The following ATP8A1 variants were observed in gnomAD, a reference collection of about 807,000 sequenced individuals.
ATP8A1 encodes the protein ATPase phospholipid transporting 8A1.
In ATP8A1, 90 loss-of-function variants were observed where a neutral mutation model predicts 177.7. That is an observed-to-expected ratio of 0.51 (90% confidence interval 0.43 to 0.60). ATP8A1 has a LOEUF of 0.60. Among genes scored for constraint, ATP8A1 ranks in the 20% least tolerant of loss-of-function variants. The probability of loss-of-function intolerance (pLI) is 0.00; values close to 1 mark genes in which losing one functional copy is unlikely to be tolerated. For missense variants in ATP8A1, 1,072 were observed against 1,392.8 expected (o/e 0.77, Z 3.67); for synonymous variants, 493 against 485.9 (o/e 1.01, Z -0.19).
chr4:42,653,000 C>G lies in ATP8A1; in HGVS notation c.49+3825G>C, dbSNP rs547274816. ...AACTGAGTCCATTAAACCTCTTTGT[C>G]TTTATAAATTACCCAGTCTTGGGTA... is the stretch of plus-strand genomic sequence containing the variant. On this transcript the variant is annotated intron_variant, in intron 1 of 36. Transcript: ENST00000381668. Among the ~76,000 whole-genome samples the G allele has an allele frequency of 6.6e-5, 9 of 135,434 alleles. 3 individuals carry two copies. The highest frequency in any genetic ancestry group is 1.0e-4 in the Non-Finnish European group (6 of 58,258). The allele number at this position is 135,434 out of a possible 152,430, so 88.8% of individuals were successfully genotyped here. A position where few individuals can be genotyped will look rare whatever the true frequency, so the allele number is the denominator to read the frequency against.
intron 24 of ATP8A1, among the ~76,000 whole-genome samples, chr4:42,491,289 G>T (rs1485456290): frequency 6.6e-6 from 1 of 152,060 alleles, no homozygotes; most frequent in Non-Finnish European, 1.5e-5. Flanking sequence ...AAACATGCTT[G>T]GGAAATAAAA....
intron 11 of ATP8A1, among the ~76,000 whole-genome samples, 155 bp downstream of exon 11, chr4:42,579,658 G>A (rs1732816695): frequency 6.6e-6 from 1 of 151,896 alleles, no homozygotes; most frequent in Admixed American, 6.6e-5. Flanking sequence ...ACTTACACTT[G>A]CTAGAAATCT....
At chr4:42,442,449 C>T (rs906238668) in intron 33 of ATP8A1, among the ~76,000 whole-genome samples, 4 of 152,176 alleles carry the variant, frequency 2.6e-5, no homozygotes, top group African/African-American at 9.6e-5. Flanking sequence ...GAGACCCACT[C>T]ACGGCATTCT....
At chr4:42,566,012 C>G (rs182919344) in intron 15 of ATP8A1, among the ~76,000 whole-genome samples, 7 of 152,198 alleles carry the variant, frequency 4.6e-5, no homozygotes, top group African/African-American at 1.7e-4. Flanking sequence ...GGTTAATCTG[C>G]AGTAGGTAGC....
intron 6 of ATP8A1, among the ~76,000 whole-genome samples, chr4:42,591,188 G>C (rs1257335713): frequency 6.6e-6 from 1 of 151,734 alleles, no homozygotes; most frequent in Non-Finnish European, 1.5e-5. Flanking sequence ...ATATTTTATA[G>C]AGAACTACAT....
At chr4:42,504,789 G>A (rs929556304) in intron 23 of ATP8A1, among the ~76,000 whole-genome samples, 4 of 152,252 alleles carry the variant, frequency 2.6e-5, no homozygotes, top group Admixed American at 2.0e-4. Flanking sequence ...TGATGTCCCT[G>A]TTTACTTGCA....
chr4:42,428,700 C>T (rs1437771439), intron 33 of ATP8A1, among the ~76,000 whole-genome samples: 1 of 152,146 alleles, frequency 6.6e-6, no homozygotes, highest in East Asian at 1.9e-4. Flanking sequence ...GAATAGAATA[C>T]AAAATCTTTA....
At chr4:42,425,069 A>C (rs1198333825) in intron 33 of ATP8A1, among the ~76,000 whole-genome samples, 1 of 152,184 alleles carries the variant, frequency 6.6e-6, no homozygotes, top group Non-Finnish European at 1.5e-5. Context: ...AAGTCAGTAG[A>C]TTTTCTTTAG....
intron 33 of ATP8A1, among the ~76,000 whole-genome samples, chr4:42,429,306 T>C (rs1002097295): frequency 6.6e-6 from 1 of 151,922 alleles, no homozygotes; most frequent in Non-Finnish European, 1.5e-5. Flanking sequence ...TGTTAAACTA[T>C]CCCCAGCTCC....
intron 25 of ATP8A1, 79 bp from the exon 26 acceptor site, chr4:42,465,155 A>G: frequency 7.9e-7 from 1 of 1,272,152 alleles, no homozygotes; most frequent in East Asian, 2.4e-5. Flanking sequence ...AGGATAAAAG[A>G]TGCAAAAGAC....
intron 22 of ATP8A1, among the ~76,000 whole-genome samples, chr4:42,516,385 G>A (rs11933828): frequency 0.025 from 3,732 of 151,876 alleles, 78 homozygotes; most frequent in Non-Finnish European, 0.034. Flanking sequence ...AAAAGCATTG[G>A]ATAAGTTTCC....
At position 42,410,371 on chromosome 4, in the gene ATP8A1, T is replaced by A. The variant is rs961280434; in HGVS notation, c.*2545A>T. ...ATTTGCCAGAGTCCCTATAAGGAAC[T>A]TTTTAATTGAAGAGTACGTGCCCTT... On this transcript the variant is annotated 3_prime_UTR_variant, in exon 37 of 37. Transcript: ENST00000381668. 3 of 152,214 alleles carry A rather than the reference T, an allele frequency of 2.0e-5. No individual in the cohort carries two copies. Among genetic ancestry groups the A allele is most frequent in the East Asian group, 1.9e-4 (1 of 5,206 alleles). The allele number at this position is 152,214 out of a possible 1,614,324, so 9.4% of individuals were successfully genotyped here.
At chr4:42,574,728 T>A in intron 13 of ATP8A1, 21 bp from the exon 14 acceptor site, 1 of 1,544,982 alleles carries the variant, frequency 6.5e-7, no homozygotes, top group Non-Finnish European at 8.8e-7. Flanking sequence ...TTAAAATTTC[T>A]CATTAATATT....
intron 33 of ATP8A1, among the ~76,000 whole-genome samples, chr4:42,430,397 G>A (rs992145911): frequency 3.3e-5 from 5 of 151,896 alleles, no homozygotes; most frequent in Non-Finnish European, 7.4e-5. Context: ...GAGACTTGGA[G>A]AAAAATCGAG....
chr4:42,503,314 A>T (rs912304373), intron 24 of ATP8A1, 136 bp downstream of exon 24: 21 of 530,854 alleles, frequency 4.0e-5, no homozygotes, highest in Non-Finnish European at 5.0e-5. Context: ...AGAGTACATT[A>T]TGTTAAAACA....
At chr4:42,499,167 G>A (rs147958691) in intron 24 of ATP8A1, among the ~76,000 whole-genome samples, 228 of 152,240 alleles carry the variant, frequency 1.5e-3, no homozygotes, top group African/African-American at 5.2e-3. Flanking sequence ...TAGAAAAACT[G>A]CCAGGATGAT....
intron 33 of ATP8A1, among the ~76,000 whole-genome samples, chr4:42,429,313 C>T (rs1299929292): frequency 6.6e-6 from 1 of 151,984 alleles, no homozygotes; most frequent in Non-Finnish European, 1.5e-5. Flanking sequence ...CTATCCCCAG[C>T]TCCCAGTCTG....
chr4:42,571,241 G>A (rs1463896790), intron 14 of ATP8A1, among the ~76,000 whole-genome samples: 1 of 152,022 alleles, frequency 6.6e-6, no homozygotes, highest in Non-Finnish European at 1.5e-5. Flanking sequence ...CAAATATATA[G>A]CTAAACCAAA....
rs546109884 is a variant in ATP8A1, at chr4:42,500,313, C to T, written c.2151+3137G>A. Among the ~76,000 whole-genome samples the T allele has an allele frequency of 1.6e-4, 25 of 152,072 alleles. No homozygotes were observed. In the South Asian group the frequency reaches 5.0e-3, roughly 30 times the overall value. ...CCAGAAGGCGGAGGTTGCGGTGAGC[C>T]GAGATCGTGCCACTGCACTCCAGCC... On this transcript the variant is annotated intron_variant, in intron 24 of 36. Coordinates refer to ENST00000381668, the MANE Select transcript of ATP8A1 (RefSeq NM_006095.2).
Sources: allele counts gnomAD v4.1 joint callset (sites outside exome capture counted in the v4.1 genomes callset), GRCh38; gene constraint gnomAD v4.1.1; transcripts MANE v1.5; gene names NCBI Gene and HGNC (gene_info 2026-07-23, HGNC 2026-07-21).